Variants in TOMM20L observed in about 807,000 individuals in gnomAD.
TOMM20L encodes the protein TOMM20-like protein 1.
TOMM20L carries 19 observed loss-of-function variants against 20.4 expected under a neutral mutation model. The ratio of observed to expected loss-of-function variants is 0.93; its 90% CI spans 0.65 to 1.36. The LOEUF is 1.36. Ranked by LOEUF, TOMM20L falls within the 40% of genes most tolerant of loss-of-function variation. The probability of loss-of-function intolerance (pLI) is 0.00; values close to 1 mark genes in which losing one functional copy is unlikely to be tolerated. For synonymous variants in TOMM20L, 75 were observed against 79.6 expected, an observed-to-expected ratio of 0.94 and a Z score of 0.30; for missense variants, 218 against 203.7, an observed-to-expected ratio of 1.07 and a Z score of -0.43.
rs769048925 is a variant in TOMM20L, at chr14:58,408,516, A to G, written c.406-13A>G. 3.1e-6 allele frequency: 5 copies of G among 1,612,952 alleles called. No individual in the cohort carries two copies. Among genetic ancestry groups the G allele is most frequent in the Non-Finnish European group, 3.4e-6 (4 of 1,179,226 alleles). Reference sequence around the variant, plus strand: ...GAAATGATTAGCAAGTAACTATTTTATGTATTCACCAGCAATTTGAGGCAG... The same window carrying G: ...GAAATGATTAGCAAGTAACTATTTTGTGTATTCACCAGCAATTTGAGGCAG... On this transcript the variant is annotated splice_polypyrimidine_tract_variant and intron_variant, in intron 4 of 4. Transcript: ENST00000360945.
In TOMM20L at chr14:58,405,082, C is replaced by T. The variant is rs141004605; in HGVS notation, c.263-2244C>T. ...CTTCCAGGTTCAAGCGATTCTCCGG[C>T]CTCAGCCTCCTAAGTAGCTGGGATT... On this transcript the variant is annotated intron_variant, in intron 3 of 4. Coordinates refer to ENST00000360945, the MANE Select transcript of TOMM20L (RefSeq NM_207377.3). Among the ~76,000 whole-genome samples the T allele has an allele frequency of 3.5e-4, 54 of 152,118 alleles. No homozygotes were observed. In the East Asian group the frequency reaches 8.1e-3, roughly 23 times the overall value.
intron 3 of TOMM20L, among the ~76,000 whole-genome samples, chr14:58,405,006 T>C (rs890590532): frequency 1.3e-5 from 2 of 151,816 alleles, no homozygotes; most frequent in African/African-American, 2.4e-5. Flanking sequence ...TTCACTCTTG[T>C]TGCCCAGGCT....
chr14:58,415,881 C>T, the TOMM20L span, among the ~76,000 whole-genome samples: 5 of 151,964 alleles, frequency 3.3e-5, no homozygotes, highest in Admixed American at 6.6e-5. Flanking sequence ...AGCATAAACC[C>T]GATGAAACCT....
Position 58,396,076 on chromosome 14 carries a change from A to G in TOMM20L, c.119A>G (p.Lys40Arg). The change falls in exon 1 of 5, where the codon AAG becomes AGG. Residue 40 changes from lysine to arginine, a missense_variant. By Grantham distance (26) the Lys-to-Arg change is conservative (BLOSUM62 2). Coordinates refer to ENST00000360945, the MANE Select transcript of TOMM20L (RefSeq NM_207377.3). ...NRKRRGDPAF[K>R]RRLRDKRRAE... Reference sequence around the variant, plus strand: ...AAGCGGCGCGGGGACCCCGCGTTCAAGCGCCGCCTGCGGGACAGTGAGTGG... The same window carrying G: ...AAGCGGCGCGGGGACCCCGCGTTCAGGCGCCGCCTGCGGGACAGTGAGTGG... 1.4e-6 allele frequency: 2 copies of G among 1,397,332 alleles called. No individual in the cohort carries two copies. The highest frequency in any genetic ancestry group is 1.9e-6 in the Non-Finnish European group (2 of 1,071,252). The allele number at this position is 1,397,332 out of a possible 1,614,324, so 86.6% of individuals were successfully genotyped here.
downstream of TOMM20L, among the ~76,000 whole-genome samples, chr14:58,410,681 C>T (rs1332805701): frequency 6.6e-6 from 1 of 152,184 alleles, no homozygotes; most frequent in Non-Finnish European, 1.5e-5. Flanking sequence ...CTGTTAAACT[C>T]AATGCCGTGG....
downstream of TOMM20L, chr14:58,410,724 G>T: frequency 1.5e-6 from 1 of 684,398 alleles, no homozygotes; most frequent in Non-Finnish European, 2.4e-6. Flanking sequence ...CCAAGCAATG[G>T]AACATAAAAG....
chr14:58,413,068 A>G (rs539038084), downstream of TOMM20L, among the ~76,000 whole-genome samples: 59 of 152,176 alleles, frequency 3.9e-4, no homozygotes, highest in Non-Finnish European at 7.3e-4. Context: ...AGATTTTAAC[A>G]TTTCAACATA....
At chr14:58,411,309 G>T (rs549565309), downstream of TOMM20L, among the ~76,000 whole-genome samples, 3 of 151,852 alleles carry the variant, frequency 2.0e-5, no homozygotes, top group African/African-American at 7.3e-5. Flanking sequence ...TTAGCCAGGC[G>T]TGGTGGCGCA....
chr14:58,396,233 C>T, intron 1 of TOMM20L, 65 bp from the exon 2 acceptor site: 1 of 1,602,592 alleles, frequency 6.2e-7, no homozygotes, highest in South Asian at 1.1e-5. Flanking sequence ...GCAGGCAGGA[C>T]CACTGGGCCC....
chr14:58,408,518 G>A lies in TOMM20L; in HGVS notation c.406-11G>A, dbSNP rs2140308082. ...AATGATTAGCAAGTAACTATTTTAT[G>A]TATTCACCAGCAATTTGAGGCAGAC... On this transcript the variant is annotated splice_polypyrimidine_tract_variant and intron_variant, in intron 4 of 4. Transcript: ENST00000360945. 6.2e-7 allele frequency: 1 copy of A among 1,612,728 alleles called. No homozygotes were observed. Among genetic ancestry groups the A allele is most frequent in the Non-Finnish European group, 8.5e-7 (1 of 1,179,140 alleles).
chr14:58,407,408 A>C lies in TOMM20L; in HGVS notation c.345A>C (p.Lys115Asn). ...CACGGGAACTTCTGAAAGTTTTCAA[A>C]CACACTCTCCCTCCCAAGGTATTTG... The part of the protein sequence containing the change: ...EQPRELLKVF[K>N]HTLPPKVFEM... The change falls in exon 4 of 5, where the codon AAA becomes AAC. Residue 115 changes from lysine to asparagine, a missense_variant. Lys to Asn is a moderately conservative substitution (Grantham distance 94). Transcript: ENST00000360945. 1 of 1,613,492 alleles carries C rather than the reference A, an allele frequency of 6.2e-7. No homozygotes were observed. Among genetic ancestry groups the C allele is most frequent in the Non-Finnish European group, 8.5e-7 (1 of 1,179,554 alleles).
chr14:58,415,922 A>T, the TOMM20L span, among the ~76,000 whole-genome samples: 1 of 152,088 alleles, frequency 6.6e-6, no homozygotes, highest in African/African-American at 2.4e-5. Context: ...AACATCTGAA[A>T]ACTAAAGACA....
At chr14:58,414,036 A>AAAAAAAAAAAC in the TOMM20L span, among the ~76,000 whole-genome samples, 2 of 144,192 alleles carry the variant, frequency 1.4e-5, 1 homozygote, top group African/African-American at 5.2e-5. Flanking sequence ...AAAAAAAAAA[A>AAAAAAAAAAAC]GGTTTGTATA....
In TOMM20L at chr14:58,396,202, C is replaced by G; in HGVS notation, c.137-96C>G. ...GGGCCGTGAGTGCCTCAGCCTCTGCCGAGGGGCCCGCGGCGCCCGGGCAGG... is the reference window on the plus strand; with the variant it reads ...GGGCCGTGAGTGCCTCAGCCTCTGCGGAGGGGCCCGCGGCGCCCGGGCAGG... On this transcript the variant is annotated intron_variant, in intron 1 of 4. Transcript: ENST00000360945. The G allele has an allele frequency of 3.2e-6, 5 of 1,551,808 alleles. No homozygotes were observed. In the South Asian group the frequency reaches 3.5e-5, roughly 11 times the overall value.
At chr14:58,413,509 A>C (rs1235490168), downstream of TOMM20L, among the ~76,000 whole-genome samples, 1 of 152,234 alleles carries the variant, frequency 6.6e-6, no homozygotes, top group African/African-American at 2.4e-5. Context: ...GACTAATCAG[A>C]GACTTCTAAT....
At chr14:58,405,802 C>A (rs939668271) in intron 3 of TOMM20L, among the ~76,000 whole-genome samples, 2 of 152,216 alleles carry the variant, frequency 1.3e-5, no homozygotes, top group African/African-American at 2.4e-5. Context: ...CCACACCCAC[C>A]CCCCTAATAG....
chr14:58,404,099 G>GTGTATATATATATATA (rs1408980666), intron 3 of TOMM20L, among the ~76,000 whole-genome samples: 1 of 22,928 alleles, frequency 4.4e-5, no homozygotes, highest in African/African-American at 1.3e-4. Flanking sequence ...ACATATATAT[G>GTGTATATATATATATA]TATATATATA....
chr14:58,411,885 C>T (rs1638868574), downstream of TOMM20L: 1 of 1,612,622 alleles, frequency 6.2e-7, no homozygotes, highest in South Asian at 1.1e-5. Context: ...AAAATCTTTT[C>T]CCCTTAATTA....
At chr14:58,415,117 C>T in the TOMM20L span, among the ~76,000 whole-genome samples, 3 of 152,166 alleles carry the variant, frequency 2.0e-5, no homozygotes, top group African/African-American at 7.2e-5. Context: ...CTCCACCTAG[C>T]AGTAACAAGA....
Sources: allele counts gnomAD v4.1 joint callset (sites outside exome capture counted in the v4.1 genomes callset), GRCh38; gene constraint gnomAD v4.1.1; transcripts MANE v1.5; gene names NCBI Gene and HGNC (gene_info 2026-07-23, HGNC 2026-07-21).